DNMT1: variants seen among roughly 807,000 people sequenced by gnomAD.
DNMT1 encodes the protein DNA methyltransferase 1.
Under a neutral mutation model 205.3 loss-of-function variants are expected in DNMT1, and 24 were observed. That is an observed-to-expected ratio of 0.12 (90% confidence interval 0.08 to 0.16). The LOEUF is 0.16. DNMT1 is among the 10% of genes least tolerant of loss of function. The pLI, the probability that DNMT1 is intolerant of heterozygous loss-of-function variation, is 1.00. For missense variants in DNMT1, 1,293 were observed against 2,177.7 expected, an observed-to-expected ratio of 0.59 and a Z score of 8.09; for synonymous variants, 817 against 839.8, an observed-to-expected ratio of 0.97 and a Z score of 0.47.
chr19:10,148,732 G>T, intron 27 of DNMT1, 152 bp downstream of exon 27: 3 of 1,350,922 alleles, frequency 2.2e-6, no homozygotes, highest in African/African-American at 1.4e-5. Flanking sequence ...CTACACACTT[G>T]AGCATCATTC....
chr19:10,165,415 CAG>C (rs1327480747), intron 11 of DNMT1, among the ~76,000 whole-genome samples: 4 of 152,122 alleles, frequency 2.6e-5, no homozygotes, highest in Non-Finnish European at 4.4e-5. Context: ...TTTTTTGAGA[CAG>C]AGTCTCGCTC....
intron 1 of DNMT1, among the ~76,000 whole-genome samples, chr19:10,186,838 C>CAAAAAAAAAAAAAAAAAAAAAAAAAA (rs35238334): frequency 2.8e-5 from 2 of 70,688 alleles, no homozygotes; most frequent in African/African-American, 1.2e-4. Context: ...AACTCCGTCT[C>CAAAAAAAAAAAAAAAAAAAAAAAAAA]AAAAAAAAAA....
At chr19:10,141,852 G>A in intron 30 of DNMT1, 176 bp downstream of exon 30, 1 of 670,074 alleles carries the variant, frequency 1.5e-6, no homozygotes, top group East Asian at 2.7e-5. Context: ...GTGCTCTGGA[G>A]AACCCTGCTC....
intron 1 of DNMT1, among the ~76,000 whole-genome samples, chr19:10,182,946 A>G (rs2039099598): frequency 6.6e-6 from 1 of 150,456 alleles, no homozygotes; most frequent in Admixed American, 6.7e-5. Context: ...GATTACAGGC[A>G]TGAGTCACCA....
chr19:10,169,041 T>C (rs2038752382), intron 9 of DNMT1, among the ~76,000 whole-genome samples: 1 of 152,066 alleles, frequency 6.6e-6, no homozygotes, highest in Admixed American at 6.6e-5. Flanking sequence ...TTTCATCACG[T>C]TGGCCAGACT....
intron 1 of DNMT1, among the ~76,000 whole-genome samples, chr19:10,191,821 C>T (rs2039309882): frequency 6.6e-6 from 1 of 151,920 alleles, no homozygotes; most frequent in African/African-American, 2.4e-5. Context: ...AAAGCAAGAC[C>T]CTCATCTCTA....
intron 29 of DNMT1, among the ~76,000 whole-genome samples, chr19:10,142,593 C>T (rs1033192067): frequency 6.7e-6 from 1 of 149,724 alleles, no homozygotes; most frequent in African/African-American, 2.5e-5. Context: ...GATTCCCCCA[C>T]AATTAGGGAA....
intron 9 of DNMT1, among the ~76,000 whole-genome samples, chr19:10,169,508 G>A (rs2038768746): frequency 6.6e-6 from 1 of 151,888 alleles, no homozygotes; most frequent in Admixed American, 6.6e-5. Flanking sequence ...AGTGAACCGA[G>A]ATCGTGCCAC....
chr19:10,180,105 G>A (rs976448186), intron 5 of DNMT1, 82 bp downstream of exon 5: 1 of 536,718 alleles, frequency 1.9e-6, no homozygotes, highest in Non-Finnish European at 3.3e-6. Context: ...CTTGAGGTCA[G>A]GAGTTCTGGA....
chr19:10,174,542 C>T (rs763902038), intron 7 of DNMT1, among the ~76,000 whole-genome samples: 4 of 151,630 alleles, frequency 2.6e-5, no homozygotes, highest in Non-Finnish European at 5.9e-5. Flanking sequence ...CCCATCTCTA[C>T]TAAAAATATA....
rs188377624 is a variant in DNMT1, at chr19:10,149,645, C to T, written c.2394G>A (p.Leu798=). 3 of 1,613,782 alleles carry T rather than the reference C, an allele frequency of 1.9e-6. No homozygotes were observed. The highest frequency in any genetic ancestry group is 3.3e-5 in the Admixed American group (2 of 60,022). The change falls in exon 26 of 41, where the codon CTG becomes CTA. Residue 798 remains leucine, a synonymous_variant. Coordinates refer to ENST00000359526, the MANE Select transcript of DNMT1 (RefSeq NM_001130823.3). ...KPLYLARVTA[L]WEDSSNGQMF... ...TCTGCCCGTTGCTGCTGTCCTCCCA[C>T]AGCGCCGTGACCCTGGAATCAGAAG...
At chr19:10,168,863 A>T (rs1228028383) in intron 9 of DNMT1, among the ~76,000 whole-genome samples, 2 of 152,196 alleles carry the variant, frequency 1.3e-5, no homozygotes, top group Admixed American at 1.3e-4. Flanking sequence ...TATGAGACGG[A>T]GTCTCACTCT....
chr19:10,140,269 G>C lies in DNMT1; in HGVS notation c.3583C>G (p.Leu1195Val). Residue 1195 changes from leucine (L) to valine (V), a missense_variant, in exon 33 of 41, where the codon CTG (leucine) becomes GTG (valine). Physicochemically the swap from Leu to Val is conservative, Grantham distance 32. Coordinates refer to ENST00000359526, the MANE Select transcript of DNMT1 (RefSeq NM_001130823.3). The surrounding 1 kb of genome is among the most constrained non-coding windows in gnomAD (Gnocchi z 8.4). ...MWDPAAQAFR[L>V]NNPGSTVFTE... The stretch of plus-strand genomic sequence containing the variant: ...AACACTGTGGAGCCGGGGTTGTTCA[G>C]CCGGAACGCCTGGGCCGCAGGGTCC... The C allele has an allele frequency of 6.2e-7, 1 of 1,614,024 alleles. No individual in the cohort carries two copies. Among genetic ancestry groups the C allele is most frequent in the Non-Finnish European group, 8.5e-7 (1 of 1,180,036 alleles).
chr19:10,136,921 C>CA (rs976652163), intron 37 of DNMT1, among the ~76,000 whole-genome samples, 164 bp downstream of exon 37: 2 of 152,108 alleles, frequency 1.3e-5, no homozygotes, highest in African/African-American at 4.8e-5. Context: ...GCCATGAACC[C>CA]AGCCTGCTTT....
At position 10,138,636 on chromosome 19, in the gene DNMT1, G is replaced by A. The variant is rs765678455; in HGVS notation, c.3949-31C>T. ...GGGGAGAAGGACGGACAACCCCACC[G>A]TCAGTGGGACACTCCCAACTGGACT... On this transcript the variant is annotated intron_variant, in intron 34 of 40. Coordinates refer to ENST00000359526, the MANE Select transcript of DNMT1 (RefSeq NM_001130823.3). This position sits in a 1 kb window ranked among gnomAD's most constrained non-coding sequence, Gnocchi z 4.1. 22 of 1,592,558 alleles carry A rather than the reference G, an allele frequency of 1.4e-5. 1 individual carries two copies. The highest frequency in any genetic ancestry group is 2.1e-4 in the Middle Eastern group (1 of 4,728).
intron 30 of DNMT1, chr19:10,141,572 G>C (rs927799803): frequency 2.8e-6 from 1 of 352,796 alleles, no homozygotes; most frequent in African/African-American, 2.1e-5. Context: ...TCATGAGCTT[G>C]ATCAGCTGAC....
intron 2 of DNMT1, among the ~76,000 whole-genome samples, chr19:10,181,296 A>T (rs146457388): frequency 1.3e-5 from 2 of 152,032 alleles, no homozygotes. Flanking sequence ...AAAAATATTT[A>T]AAAATTAGCT....
At chr19:10,186,451 C>T (rs2039183975) in intron 1 of DNMT1, among the ~76,000 whole-genome samples, 1 of 152,076 alleles carries the variant, frequency 6.6e-6, no homozygotes, top group African/African-American at 2.4e-5. Flanking sequence ...GCAGAGGACT[C>T]AGAATGCCGG....
At chr19:10,147,261 C>CAGAT (rs1227595403) in intron 27 of DNMT1, among the ~76,000 whole-genome samples, 1 of 110,604 alleles carries the variant, frequency 9.0e-6, no homozygotes, top group Non-Finnish European at 1.9e-5. Flanking sequence ...GACCCTGTCT[C>CAGAT]AGATAAATAA....
Sources: gnomAD v4.1 joint callset for allele counts (sites outside exome capture counted in the v4.1 genomes callset) on GRCh38, gnomAD v4.1.1 for gene constraint, Gnocchi (gnomAD v3.1) non-coding constraint, MANE v1.5 for transcripts, NCBI Gene and HGNC (gene_info 2026-07-23, HGNC 2026-07-21) for gene names.